The following CKMT2 variants were observed in gnomAD, a reference collection of about 807,000 sequenced individuals.
CKMT2 encodes the protein creatine kinase, mitochondrial 2.
Under a neutral mutation model 48.9 loss-of-function variants are expected in CKMT2, and 43 were observed. The ratio of observed to expected loss-of-function variants is 0.88; its 90% CI spans 0.69 to 1.13. The LOEUF is 1.13. Among genes scored for constraint, CKMT2 ranks in the 50% most tolerant of loss-of-function variants. The pLI, the probability that CKMT2 is intolerant of heterozygous loss-of-function variation, is 0.00. For missense variants in CKMT2, 472 were observed against 555.4 expected, an observed-to-expected ratio of 0.85 and a Z score of 1.51; for synonymous variants, 206 against 213.0, an observed-to-expected ratio of 0.97 and a Z score of 0.29.
chr5:81,251,570 G>C (rs1756816353), intron 2 of CKMT2, among the ~76,000 whole-genome samples: 1 of 152,056 alleles, frequency 6.6e-6, no homozygotes, highest in Admixed American at 6.6e-5. Context: ...CCTGGCAACA[G>C]AGCAAGACTC....
At chr5:81,238,177 A>C (rs1756309340) in intron 1 of CKMT2, 1 of 152,238 alleles carries the variant, frequency 6.6e-6, no homozygotes, top group Non-Finnish European at 1.5e-5. Flanking sequence ...TATTAAAAAT[A>C]CAAAAAATTA....
intron 9 of CKMT2, among the ~76,000 whole-genome samples, chr5:81,265,584 T>C (rs983911101): frequency 1.3e-5 from 2 of 152,228 alleles, no homozygotes; most frequent in Non-Finnish European, 1.5e-5. Flanking sequence ...CAAAGTTCTA[T>C]ACAGAGTTTT....
In CKMT2 at chr5:81,257,849, T is replaced by G; in HGVS notation, c.872T>G (p.Leu291Arg). The change falls in exon 7 of 10, where the codon CTA (leucine) becomes CGA (arginine). Residue 291 changes from leucine (L) to arginine (R), a missense_variant. Physicochemically the swap from Leu to Arg is moderately radical, Grantham distance 102 (BLOSUM62 -2). Coordinates refer to ENST00000254035, the MANE Select transcript of CKMT2 (RefSeq NM_001099735.2). ...GTATTTGAGCGATTCTGTCGTGGACTAAAAGAAGTAAGATGTTATCTGAGA... is the reference window on the plus strand; with the variant it reads ...GTATTTGAGCGATTCTGTCGTGGACGAAAAGAAGTAAGATGTTATCTGAGA... Reference protein sequence around the residue: ...KRVFERFCRGLKEVERLIQER... With the variant: ...KRVFERFCRGRKEVERLIQER... 6.2e-7 allele frequency: 1 copy of G among 1,611,188 alleles called. No individual in the cohort carries two copies. The highest frequency in any genetic ancestry group is 8.5e-7 in the Non-Finnish European group (1 of 1,178,652).
At chr5:81,251,066 C>G (rs1756795058) in intron 1 of CKMT2, 47 bp from the exon 2 acceptor site, 4 of 1,520,370 alleles carry the variant, frequency 2.6e-6, no homozygotes. Context: ...TGTTGTGGCT[C>G]AGGGTCATCC....
At chr5:81,246,377 T>C (rs1756611228) in intron 1 of CKMT2, among the ~76,000 whole-genome samples, 1 of 152,066 alleles carries the variant, frequency 6.6e-6, no homozygotes, top group Admixed American at 6.5e-5. Context: ...AGTCCAGATC[T>C]GTCCAGCTTT....
chr5:81,261,017 C>T (rs188633786), intron 8 of CKMT2, among the ~76,000 whole-genome samples: 268 of 152,260 alleles, frequency 1.8e-3, no homozygotes, highest in African/African-American at 6.1e-3. Flanking sequence ...GCTTATCCAC[C>T]AAAATCAACT....
chr5:81,254,449 C>G lies in CKMT2; in HGVS notation c.405C>G (p.Asp135Glu), dbSNP rs777664341. 1 of 1,614,168 alleles carries G rather than the reference C, an allele frequency of 6.2e-7. No homozygotes were observed. The highest frequency in any genetic ancestry group is 1.1e-5 in the South Asian group (1 of 91,080). ...PVIKLRHNGY[D>E]PRVMKHTTDL... Reference sequence around the variant, plus strand: ...TCAAACTAAGACACAACGGCTATGACCCCAGGGTGATGAAGCACACAACGG... The same window carrying G: ...TCAAACTAAGACACAACGGCTATGAGCCCAGGGTGATGAAGCACACAACGG... Residue 135 changes from aspartate (D) to glutamate (E), a missense_variant, in exon 4 of 10, where the codon GAC (aspartate) becomes GAG (glutamate). Asp to Glu is a conservative substitution (Grantham distance 45). Transcript: ENST00000254035.
intron 5 of CKMT2, among the ~76,000 whole-genome samples, 192 bp from the exon 6 acceptor site, chr5:81,256,723 A>AT (rs1200484576): frequency 2.6e-5 from 4 of 152,238 alleles, no homozygotes; most frequent in African/African-American, 9.6e-5. Context: ...AGATCAGTCT[A>AT]TAACAACTAG....
chr5:81,259,784 T>C (rs1223484686), intron 8 of CKMT2, among the ~76,000 whole-genome samples: 2 of 152,176 alleles, frequency 1.3e-5, no homozygotes, highest in African/African-American at 4.8e-5. Context: ...AGTGAGAGAC[T>C]TTAACACCCC....
intron 1 of CKMT2, chr5:81,244,161 G>A: frequency 4.1e-6 from 4 of 985,414 alleles, no homozygotes; most frequent in Non-Finnish European, 4.8e-6. Context: ...CACAGCATAG[G>A]CCAGCAGGCC....
At chr5:81,257,384 G>T (rs919653148) in intron 6 of CKMT2, among the ~76,000 whole-genome samples, 3 of 152,210 alleles carry the variant, frequency 2.0e-5, no homozygotes, top group African/African-American at 7.2e-5. Flanking sequence ...GCTTTTTAGA[G>T]CACAAGATTT....
At chr5:81,241,586 T>G (rs1266258527) in intron 1 of CKMT2, among the ~76,000 whole-genome samples, 2 of 152,188 alleles carry the variant, frequency 1.3e-5, no homozygotes, top group African/African-American at 4.8e-5. Context: ...AAACTTGAGT[T>G]TTATTTTTCC....
chr5:81,266,305 G>C lies in CKMT2; in HGVS notation c.*47G>C, dbSNP rs957523770. 23 of 1,587,110 alleles carry C rather than the reference G, an allele frequency of 1.4e-5. No homozygotes were observed. The highest frequency in any genetic ancestry group is 1.8e-5 in the Non-Finnish European group (21 of 1,159,640). On this transcript the variant is annotated 3_prime_UTR_variant, in exon 10 of 10. Coordinates refer to ENST00000254035, the MANE Select transcript of CKMT2 (RefSeq NM_001099735.2). ...AAATAATCTGTCTGCTGGTACGACA[G>C]ACATAAATCTCTACTCTGAGAGTTT...
chr5:81,242,934 G>A (rs1756486895), intron 1 of CKMT2, among the ~76,000 whole-genome samples: 1 of 152,190 alleles, frequency 6.6e-6, no homozygotes, highest in Admixed American at 6.5e-5. Flanking sequence ...AGTTTCTACA[G>A]GGAATCAAAC....
chr5:81,259,333 C>T (rs1561286794), intron 8 of CKMT2, 79 bp downstream of exon 8: 1 of 1,290,936 alleles, frequency 7.7e-7, no homozygotes. Flanking sequence ...GAAAACATCA[C>T]TGCCCATTCC....
chr5:81,254,077 G>A (rs578103230), intron 3 of CKMT2, among the ~76,000 whole-genome samples: 3 of 152,282 alleles, frequency 2.0e-5, no homozygotes, highest in Non-Finnish European at 2.9e-5. Context: ...ATTCCTAACC[G>A]TAAGTATTTT....
Position 81,252,838 on chromosome 5 carries a change from G to C in CKMT2, c.296G>C (p.Gly99Ala). 1 of 1,614,218 alleles carries C rather than the reference G, an allele frequency of 6.2e-7. No homozygotes were observed. The highest frequency in any genetic ancestry group is 2.2e-5 in the East Asian group (1 of 44,892). The change falls in exon 3 of 10, where the codon GGC becomes GCC. Residue 99 changes from glycine (G) to alanine (A), a missense_variant. Gly to Ala is a moderately conservative substitution (Grantham distance 60, BLOSUM62 0). Transcript: ENST00000254035. Reference protein sequence around the residue: ...QCIQTGVDNPGHPFIKTVGMV... With the variant: ...QCIQTGVDNPAHPFIKTVGMV... ...ATCCAGACTGGAGTGGACAACCCTG[G>C]CCACCCCTTCATAAAGACTGTGGGC...
At position 81,254,506 on chromosome 5, in the gene CKMT2, C is replaced by T. The variant is rs1255356231; in HGVS notation, c.447+15C>T. 1.9e-6 allele frequency: 3 copies of T among 1,606,978 alleles called. No individual in the cohort carries two copies. The highest frequency in any genetic ancestry group is 3.3e-5 in the Admixed American group (2 of 60,010). ...ATGCATCAAAGGTAGGCTCCAGCCT[C>T]CCTCTCCTTCCCCACGAAGCTGGCA... On this transcript the variant is annotated intron_variant, in intron 4 of 9. Transcript: ENST00000254035.
chr5:81,246,441 T>C (rs558223168), intron 1 of CKMT2, among the ~76,000 whole-genome samples: 6 of 152,206 alleles, frequency 3.9e-5, no homozygotes, highest in Non-Finnish European at 8.8e-5. Flanking sequence ...AAAGTAGACA[T>C]CACTTACATT....
Sources: allele counts gnomAD v4.1 joint callset (sites outside exome capture counted in the v4.1 genomes callset), GRCh38; gene constraint gnomAD v4.1.1; transcripts MANE v1.5; gene names NCBI Gene and HGNC (gene_info 2026-07-23, HGNC 2026-07-21).